Variants in MTUS1 observed in about 807,000 individuals in gnomAD.
MTUS1 encodes the protein microtubule associated scaffold protein 1.
A neutral mutation model predicts 120.8 loss-of-function variants in MTUS1; 109 were observed. The observed-to-expected ratio is 0.90, with a 90% CI of 0.77 to 1.06. The LOEUF (loss-of-function observed/expected upper bound fraction) is 1.06. Ranked by LOEUF, MTUS1 falls within the 50% of genes least tolerant of loss-of-function variation. The pLI is 0.00. For synonymous variants in MTUS1, 737 were observed against 550.5 expected, an observed-to-expected ratio of 1.34 and a Z score of -4.74; for missense variants, 2,210 against 1,486.3, an observed-to-expected ratio of 1.49 and a Z score of -8.01.
intron 1 of MTUS1, among the ~76,000 whole-genome samples, chr8:17,774,736 T>C (rs1381359573): frequency 6.6e-6 from 1 of 152,012 alleles, no homozygotes. Flanking sequence ...TCCACTCTTA[T>C]ACCCCCAAAA....
intron 3 of MTUS1, among the ~76,000 whole-genome samples, chr8:17,739,668 G>C (rs947757090): frequency 6.6e-6 from 1 of 152,122 alleles, no homozygotes; most frequent in Non-Finnish European, 1.5e-5. Flanking sequence ...TTCTGTGGAA[G>C]ATTCCTTGTC....
At chr8:17,764,227 T>C (rs1323308980) in intron 1 of MTUS1, among the ~76,000 whole-genome samples, 5 of 152,112 alleles carry the variant, frequency 3.3e-5, no homozygotes, top group African/African-American at 9.7e-5. Flanking sequence ...TTGTTTAATA[T>C]GAAAAAACTC....
intron 4 of MTUS1, among the ~76,000 whole-genome samples, chr8:17,717,773 G>A (rs1822622963): frequency 6.6e-6 from 1 of 152,054 alleles, no homozygotes; most frequent in Non-Finnish European, 1.5e-5. Flanking sequence ...ATAGGAGGTG[G>A]TGTGCTGGAA....
chr8:17,764,416 AG>A (rs1195947904), intron 1 of MTUS1, among the ~76,000 whole-genome samples: 2 of 151,208 alleles, frequency 1.3e-5, no homozygotes, highest in Non-Finnish European at 2.9e-5. Flanking sequence ...AAAAAAAAAA[AG>A]GTAATTTCTA....
chr8:17,681,622 G>A (rs1814526246), intron 7 of MTUS1: 1 of 154,734 alleles, frequency 6.5e-6, no homozygotes, highest in Non-Finnish European at 1.5e-5. Context: ...TGGCATGATG[G>A]CAAAACCGCA....
Position 17,743,695 on chromosome 8 carries a change from A to AG in MTUS1, c.2195dup (p.Val733CysfsTer9), listed in dbSNP as rs754254988. 1 of 1,614,074 alleles carries AG rather than the reference A, an allele frequency of 6.2e-7. No homozygotes were observed. The highest frequency in any genetic ancestry group is 1.7e-5 in the Admixed American group (1 of 60,000). ...CACTGTTCCGCCTCAAACAGGAAAC[A>AG]GGGGGCCCCACTTTGGCTTTTGGAG... On this transcript the variant is annotated frameshift_variant, in exon 3 of 15. Coordinates refer to ENST00000693296, the MANE Select transcript of MTUS1 (RefSeq NM_001363059.2). LOFTEE classifies it high-confidence loss of function.
intron 1 of MTUS1, among the ~76,000 whole-genome samples, chr8:17,758,582 T>C (rs571088410): frequency 7.2e-5 from 11 of 152,326 alleles, no homozygotes; most frequent in African/African-American, 2.4e-4. Context: ...AATCAAGAAA[T>C]ATATTTATTC....
At chr8:17,698,288 G>T (rs184229425) in intron 6 of MTUS1, among the ~76,000 whole-genome samples, 2 of 152,334 alleles carry the variant, frequency 1.3e-5, no homozygotes, top group South Asian at 4.1e-4. Context: ...AAGACTAGGA[G>T]TGTGAGGAGG....
intron 2 of MTUS1, among the ~76,000 whole-genome samples, chr8:17,748,553 T>A (rs1415892805): frequency 6.6e-6 from 1 of 152,152 alleles, no homozygotes; most frequent in Non-Finnish European, 1.5e-5. Flanking sequence ...TGTCCATGGA[T>A]GGTGGAGCCA....
At chr8:17,722,615 T>A (rs932882465) in intron 4 of MTUS1, 8 of 974,706 alleles carry the variant, frequency 8.2e-6, no homozygotes, top group Admixed American at 6.2e-5. Flanking sequence ...GTCGGAAATG[T>A]GCTCATTAAT....
intron 1 of MTUS1, among the ~76,000 whole-genome samples, chr8:17,796,504 C>T (rs1055769964): frequency 6.6e-5 from 10 of 152,256 alleles, no homozygotes; most frequent in African/African-American, 2.2e-4. Context: ...CCCTTTCTTC[C>T]TTGATTGTGT....
intron 5 of MTUS1, among the ~76,000 whole-genome samples, chr8:17,714,274 T>C (rs1353802115): frequency 2.6e-5 from 4 of 152,178 alleles, no homozygotes; most frequent in Non-Finnish European, 2.9e-5. Context: ...AGAAAAGGTA[T>C]TGACATACAT....
At chr8:17,765,606 A>G (rs2049417786) in intron 1 of MTUS1, among the ~76,000 whole-genome samples, 2 of 135,130 alleles carry the variant, frequency 1.5e-5, no homozygotes. Flanking sequence ...GAAACAGAGC[A>G]AGACTCTGTC....
intron 1 of MTUS1, among the ~76,000 whole-genome samples, chr8:17,789,595 TTATG>T (rs916681343): frequency 6.6e-6 from 1 of 152,154 alleles, no homozygotes; most frequent in Non-Finnish European, 1.5e-5. Context: ...GAAAATGTCT[TTATG>T]TGTGTGTAGT....
intron 8 of MTUS1, among the ~76,000 whole-genome samples, chr8:17,663,097 T>C (rs949650576): frequency 6.7e-6 from 1 of 149,594 alleles, no homozygotes; most frequent in African/African-American, 2.4e-5. Flanking sequence ...CTTTAAGTTT[T>C]GCTTTTCAAG....
At chr8:17,744,689 C>CTTTTTTTTTTTTTT (rs58283163) in intron 2 of MTUS1, among the ~76,000 whole-genome samples, 2 of 99,024 alleles carry the variant, frequency 2.0e-5, no homozygotes, top group African/African-American at 4.1e-5. Context: ...ACCATGTTTT[C>CTTTTTTTTTTTTTT]TTTTTTTTTT....
intron 1 of MTUS1, among the ~76,000 whole-genome samples, chr8:17,775,154 A>T (rs572585499): frequency 5.8e-4 from 88 of 152,196 alleles, no homozygotes; most frequent in Non-Finnish European, 1.1e-3. Context: ...GATGATGAAC[A>T]AGTTCTGAAA....
Position 17,784,011 on chromosome 8 carries a change from T to G in MTUS1, c.-155+17050A>C, listed in dbSNP as rs146806908. On this transcript the variant is annotated intron_variant, in intron 1 of 14. Transcript: ENST00000693296. ...CTACCCACACTCACCCAATTGAGAT[T>G]TGTGGAATTCAACAGCCCCCAAACG... 6.4e-4 allele frequency among the ~76,000 whole-genome samples: 98 copies of G among 152,306 alleles called. 1 individual carries two copies. In the East Asian group the frequency reaches 0.014, roughly 22 times the overall value.
intron 6 of MTUS1, among the ~76,000 whole-genome samples, chr8:17,707,670 G>A (rs953558914): frequency 2.0e-5 from 3 of 152,120 alleles, no homozygotes; most frequent in Admixed American, 1.3e-4. Flanking sequence ...AGAAAATCAA[G>A]GGACCCAGAA....
Sources: gnomAD v4.1 joint callset for allele counts (sites outside exome capture counted in the v4.1 genomes callset) on GRCh38, gnomAD v4.1.1 for gene constraint, MANE v1.5 for transcripts, NCBI Gene and HGNC (gene_info 2026-07-23, HGNC 2026-07-21) for gene names.